PTPRM: variants seen among roughly 807,000 people sequenced by gnomAD.
The protein encoded by PTPRM is protein tyrosine phosphatase receptor type M, also known as receptor-type tyrosine-protein phosphatase mu.
Under a neutral mutation model 186.7 loss-of-function variants are expected in PTPRM, and 47 were observed. That is an observed-to-expected ratio of 0.25 (90% confidence interval 0.20 to 0.32). The LOEUF (loss-of-function observed/expected upper bound fraction) is 0.32, where lower values mean the gene tolerates loss of function less well. Ranked by LOEUF, PTPRM falls within the 10% of genes least tolerant of loss-of-function variation. The pLI, the probability that PTPRM is intolerant of heterozygous loss-of-function variation, is 1.00. For missense variants in PTPRM, 1,494 were observed against 1,865.0 expected (o/e 0.80, Z 3.66); for synonymous variants, 668 against 674.9 (o/e 0.99, Z 0.16).
At chr18:7,979,078 C>G (rs752371860) in intron 7 of PTPRM, among the ~76,000 whole-genome samples, 3 of 152,048 alleles carry the variant, frequency 2.0e-5, no homozygotes, top group Non-Finnish European at 4.4e-5. Flanking sequence ...TATATTGAAG[C>G]TATAGCTGTT....
intron 3 of PTPRM, among the ~76,000 whole-genome samples, chr18:7,904,529 G>A (rs775753765): frequency 2.0e-5 from 3 of 152,066 alleles, no homozygotes; most frequent in African/African-American, 4.8e-5. Context: ...CATGATCTTC[G>A]GGGAGTGGTG....
chr18:7,842,110 C>G (rs2145844217), intron 2 of PTPRM, among the ~76,000 whole-genome samples: 1 of 152,214 alleles, frequency 6.6e-6, no homozygotes, highest in South Asian at 2.1e-4. Context: ...CCAAGCATGT[C>G]TGCTTCCTTT....
At chr18:8,163,024 G>GCA (rs1215075993) in intron 14 of PTPRM, among the ~76,000 whole-genome samples, 1 of 152,130 alleles carries the variant, frequency 6.6e-6, no homozygotes, top group Non-Finnish European at 1.5e-5. Flanking sequence ...GCGCCTTCCT[G>GCA]CAACCAGTGT....
In PTPRM at chr18:8,103,914, T is replaced by C. The variant is rs575599591; in HGVS notation, c.1857-9572T>C. On this transcript the variant is annotated intron_variant, in intron 11 of 32. Coordinates refer to ENST00000580170, the MANE Select transcript of PTPRM (RefSeq NM_001105244.2). ...CTTTCACTTGAATACTTAAAGGCCA[T>C]TGTATGGTTATCATTTGTTCTAATT... Among the ~76,000 whole-genome samples the C allele has an allele frequency of 8.5e-5, 13 of 152,312 alleles. No homozygotes were observed. The South Asian group carries it at 2.5e-3, about 29-fold the overall frequency.
intron 1 of PTPRM, among the ~76,000 whole-genome samples, chr18:7,749,760 T>C (rs1184596909): frequency 6.6e-6 from 1 of 152,216 alleles, no homozygotes; most frequent in African/African-American, 2.4e-5. Context: ...AGTGTAGATA[T>C]ATATTCTCAA....
At chr18:7,921,271 T>A (rs1213753280) in intron 4 of PTPRM, among the ~76,000 whole-genome samples, 1 of 152,158 alleles carries the variant, frequency 6.6e-6, no homozygotes, top group African/African-American at 2.4e-5. Context: ...CTTTTTCCTT[T>A]TCATTTTTTT....
chr18:7,725,378 G>A (rs2040526688), intron 1 of PTPRM, among the ~76,000 whole-genome samples: 1 of 152,130 alleles, frequency 6.6e-6, no homozygotes, highest in Non-Finnish European at 1.5e-5. Flanking sequence ...ATGGGTATGA[G>A]GTGGTGATAG....
At chr18:8,244,549 T>C (rs1475987311) in intron 15 of PTPRM, among the ~76,000 whole-genome samples, 2 of 152,210 alleles carry the variant, frequency 1.3e-5, no homozygotes, top group Admixed American at 6.5e-5. Flanking sequence ...TATCCAGGTG[T>C]GGAATTACAC....
chr18:7,824,132 C>T (rs898683667), intron 2 of PTPRM, among the ~76,000 whole-genome samples: 4 of 152,174 alleles, frequency 2.6e-5, no homozygotes, highest in Non-Finnish European at 4.4e-5. Flanking sequence ...GGTCTTCATC[C>T]GGGCCTCATT....
chr18:7,868,658 A>G (rs997218582), intron 2 of PTPRM, among the ~76,000 whole-genome samples: 13 of 152,324 alleles, frequency 8.5e-5, no homozygotes, highest in African/African-American at 3.1e-4. Context: ...GTGTCTCCCC[A>G]TCATGAGGCA....
intron 1 of PTPRM, among the ~76,000 whole-genome samples, chr18:7,624,440 T>A (rs2038011256): frequency 6.6e-6 from 1 of 152,180 alleles, no homozygotes; most frequent in Admixed American, 6.5e-5. Flanking sequence ...TCTACCTTTT[T>A]CTTGTCGTGT....
intron 13 of PTPRM, among the ~76,000 whole-genome samples, chr18:8,122,896 T>C (rs2092225242): frequency 6.6e-6 from 1 of 152,188 alleles, no homozygotes; most frequent in Non-Finnish European, 1.5e-5. Flanking sequence ...TTTCAAAGCA[T>C]AGTGTTTATA....
At chr18:8,132,709 G>C (rs2092541365) in intron 13 of PTPRM, among the ~76,000 whole-genome samples, 1 of 152,066 alleles carries the variant, frequency 6.6e-6, no homozygotes, top group Non-Finnish European at 1.5e-5. Flanking sequence ...CTTTATTCTT[G>C]ACAGATACTC....
intron 14 of PTPRM, among the ~76,000 whole-genome samples, chr18:8,232,111 CT>C (rs2094294507): frequency 6.6e-6 from 1 of 152,192 alleles, no homozygotes; most frequent in African/African-American, 2.4e-5. Flanking sequence ...ATCACTAATC[CT>C]TTTACTGTCT....
chr18:8,232,749 C>A (rs1281789250), intron 14 of PTPRM, among the ~76,000 whole-genome samples: 1 of 152,102 alleles, frequency 6.6e-6, no homozygotes. Flanking sequence ...CTCCCCACGA[C>A]CCTATATTGG....
chr18:7,938,774 T>C (rs2051986108), intron 5 of PTPRM, among the ~76,000 whole-genome samples: 1 of 152,248 alleles, frequency 6.6e-6, no homozygotes, highest in Non-Finnish European at 1.5e-5. Context: ...ATTTCCATAA[T>C]CAAATTCTTC....
intron 1 of PTPRM, among the ~76,000 whole-genome samples, chr18:7,768,498 ACAC>A (rs1025413472): frequency 6.6e-6 from 1 of 151,922 alleles, no homozygotes; most frequent in Admixed American, 6.5e-5. Context: ...GTCTTGAAAA[ACAC>A]AAAGAATAAA....
intron 1 of PTPRM, among the ~76,000 whole-genome samples, chr18:7,598,374 G>C (rs544723811): frequency 1.3e-5 from 2 of 152,324 alleles, no homozygotes; most frequent in East Asian, 3.9e-4. Flanking sequence ...TCATAGGAAT[G>C]AAAGCAAAGC....
At chr18:8,045,028 C>G (rs1240547629) in intron 7 of PTPRM, among the ~76,000 whole-genome samples, 1 of 152,032 alleles carries the variant, frequency 6.6e-6, no homozygotes, top group African/African-American at 2.4e-5. Flanking sequence ...ATACCTAGCA[C>G]ATGTGAAAAC....
Sources: allele counts gnomAD v4.1 joint callset (sites outside exome capture counted in the v4.1 genomes callset), GRCh38; gene constraint gnomAD v4.1.1; transcripts MANE v1.5; gene names NCBI Gene and HGNC (gene_info 2026-07-23, HGNC 2026-07-21).